The following ANO3 variants were observed in gnomAD, a reference collection of about 807,000 sequenced individuals.
ANO3 encodes anoctamin 3.
Under a neutral mutation model 144.8 loss-of-function variants are expected in ANO3, and 99 were observed. The ratio of observed to expected loss-of-function variants is 0.68; its 90% CI spans 0.58 to 0.81. The LOEUF is 0.81. ANO3 is among the 30% of genes least tolerant of loss of function. The pLI, the probability that ANO3 is intolerant of heterozygous loss-of-function variation, is 0.00. For missense variants in ANO3, 905 were observed against 1,202.2 expected (o/e 0.75, Z 3.66); for synonymous variants, 414 against 392.6 (o/e 1.05, Z -0.64).
intron 1 of ANO3, among the ~76,000 whole-genome samples, chr11:26,242,748 C>T (rs1852688957): frequency 6.6e-6 from 1 of 151,964 alleles, no homozygotes; most frequent in Admixed American, 6.6e-5. Flanking sequence ...TTTCTCATCC[C>T]GAAAGTGTGC....
chr11:26,330,165 T>C (rs1855000449), upstream of ANO3, among the ~76,000 whole-genome samples: 1 of 152,224 alleles, frequency 6.6e-6, no homozygotes, highest in African/African-American at 2.4e-5. Context: ...AAATTCATTG[T>C]CTAATCCTCA....
intron 14 of ANO3, among the ~76,000 whole-genome samples, chr11:26,590,826 C>T (rs1398252025): frequency 6.6e-6 from 1 of 151,988 alleles, no homozygotes; most frequent in Non-Finnish European, 1.5e-5. Flanking sequence ...CAGTGGTGGA[C>T]GGCAAGCGAA....
Position 26,634,823 on chromosome 11 carries a change from T to C in ANO3, c.1986-190T>C, listed in dbSNP as rs7933233. Among the ~76,000 whole-genome samples the C allele has an allele frequency of 0.35, 52,819 of 152,060 alleles. 9,772 individuals carry two copies. Among genetic ancestry groups the C allele is most frequent in the South Asian group, 0.48 (2,287 of 4,814 alleles). ...GGTTTGTCTGTACTTTCTTGACCCA[T>C]TAGTTCACGCATCACTTTTTCCTTT... On this transcript the variant is annotated intron_variant, in intron 19 of 26. Transcript: ENST00000256737.
At chr11:26,544,273 T>TATATATACAC in intron 11 of ANO3, among the ~76,000 whole-genome samples, 3 of 58,566 alleles carry the variant, frequency 5.1e-5, no homozygotes, top group Non-Finnish European at 7.1e-5. Context: ...TATATATATA[T>TATATATACAC]ACACACATAC....
intron 1 of ANO3, among the ~76,000 whole-genome samples, chr11:26,370,105 C>T (rs1473961973): frequency 6.6e-6 from 1 of 152,176 alleles, no homozygotes; most frequent in Non-Finnish European, 1.5e-5. Flanking sequence ...GCTGTGTTCT[C>T]ACCCATATCT....
chr11:26,373,957 T>C (rs1246250717), intron 1 of ANO3, among the ~76,000 whole-genome samples: 3 of 152,194 alleles, frequency 2.0e-5, no homozygotes, highest in Non-Finnish European at 2.9e-5. Flanking sequence ...TTTTCAGGAC[T>C]TATTGCTATT....
intron 1 of ANO3, among the ~76,000 whole-genome samples, chr11:26,290,940 G>A (rs1321092922): frequency 6.6e-6 from 1 of 152,174 alleles, no homozygotes; most frequent in East Asian, 1.9e-4. Context: ...TTGGTGCAGA[G>A]CTGAGTCAAG....
chr11:26,565,145 T>C, intron 14 of ANO3: 3 of 1,491,206 alleles, frequency 2.0e-6, no homozygotes, highest in Non-Finnish European at 1.8e-6. Context: ...AAAAGGAAAG[T>C]TAAAATCATT....
At chr11:26,234,563 C>A (rs544803899) in intron 1 of ANO3, among the ~76,000 whole-genome samples, 1 of 152,226 alleles carries the variant, frequency 6.6e-6, no homozygotes, top group Non-Finnish European at 1.5e-5. Flanking sequence ...AATTAATGCA[C>A]AAGAGAAGGT....
At chr11:26,622,444 G>GA (rs57451063) in intron 17 of ANO3, among the ~76,000 whole-genome samples, 1 of 145,872 alleles carries the variant, frequency 6.9e-6, no homozygotes. Flanking sequence ...AAAAAAAAAA[G>GA]AAAAGAAAAT....
chr11:26,593,929 T>C (rs1474562081), intron 14 of ANO3, among the ~76,000 whole-genome samples: 2 of 152,132 alleles, frequency 1.3e-5, no homozygotes, highest in African/African-American at 2.4e-5. Flanking sequence ...CCAAGTTAAA[T>C]AGGGTTTCTA....
At chr11:26,445,376 C>T (rs1858665528) in intron 3 of ANO3, among the ~76,000 whole-genome samples, 1 of 152,148 alleles carries the variant, frequency 6.6e-6, no homozygotes, top group Non-Finnish European at 1.5e-5. Context: ...TTAACAATCA[C>T]CCTATTAAAA....
At chr11:26,506,437 C>T (rs772553569) in intron 4 of ANO3, among the ~76,000 whole-genome samples, 3 of 152,162 alleles carry the variant, frequency 2.0e-5, no homozygotes, top group Non-Finnish European at 2.9e-5. Flanking sequence ...CCTTATGAAG[C>T]ACTTGGCACA....
At chr11:26,430,028 A>G (rs925090030) in intron 1 of ANO3, among the ~76,000 whole-genome samples, 4 of 152,146 alleles carry the variant, frequency 2.6e-5, no homozygotes, top group African/African-American at 9.7e-5. Flanking sequence ...TCCTGAGGCC[A>G]GGAGTTTGAG....
chr11:26,582,782 C>A (rs1180489339), intron 14 of ANO3, among the ~76,000 whole-genome samples: 1 of 152,216 alleles, frequency 6.6e-6, no homozygotes, highest in Non-Finnish European at 1.5e-5. Flanking sequence ...GCATGCACTC[C>A]TCTATCCCTA....
At chr11:26,394,972 G>A (rs1367581451) in intron 1 of ANO3, among the ~76,000 whole-genome samples, 1 of 152,140 alleles carries the variant, frequency 6.6e-6, no homozygotes, top group Non-Finnish European at 1.5e-5. Context: ...CAAAAATACA[G>A]CAGATATTTA....
chr11:26,362,820 A>G (rs1056737091), intron 1 of ANO3, among the ~76,000 whole-genome samples: 1 of 152,158 alleles, frequency 6.6e-6, no homozygotes, highest in African/African-American at 2.4e-5. Context: ...TGTCATATAT[A>G]CCTTCTTTAT....
intron 23 of ANO3, among the ~76,000 whole-genome samples, chr11:26,647,345 A>G (rs1353243435): frequency 3.9e-5 from 6 of 152,230 alleles, no homozygotes; most frequent in Non-Finnish European, 8.8e-5. Flanking sequence ...CACAGTGTGC[A>G]TAACCATGAA....
intron 25 of ANO3, 77 bp downstream of exon 25, chr11:26,656,282 A>T: frequency 2.0e-6 from 3 of 1,489,150 alleles, no homozygotes; most frequent in Non-Finnish European, 2.8e-6. Context: ...GAGGACATTT[A>T]AACTGTTATT....
Sources: gnomAD v4.1 joint callset for allele counts (sites outside exome capture counted in the v4.1 genomes callset) on GRCh38, gnomAD v4.1.1 for gene constraint, MANE v1.5 for transcripts, NCBI Gene and HGNC (gene_info 2026-07-23, HGNC 2026-07-21) for gene names.